CCT4: variants seen among roughly 807,000 people sequenced by gnomAD.
The protein encoded by CCT4 is chaperonin containing TCP1 subunit 4.
A neutral mutation model predicts 62.5 loss-of-function variants in CCT4; 17 were observed. That is an observed-to-expected ratio of 0.27 (90% confidence interval 0.19 to 0.41). CCT4 has a LOEUF of 0.41. Among genes scored for constraint, CCT4 ranks in the 10% least tolerant of loss-of-function variants. The probability of loss-of-function intolerance (pLI) is 1.00; values close to 1 mark genes in which losing one functional copy is unlikely to be tolerated. For missense variants in CCT4, 592 were observed against 659.2 expected, an observed-to-expected ratio of 0.90 and a Z score of 1.12; for synonymous variants, 250 against 229.9, an observed-to-expected ratio of 1.09 and a Z score of -0.79.
intron 4 of CCT4, 62 bp from the exon 5 acceptor site, chr2:61,879,073 T>G: frequency 7.7e-7 from 1 of 1,297,070 alleles, no homozygotes; most frequent in Non-Finnish European, 1.1e-6. Flanking sequence ...TTGACATGGC[T>G]TAAAAATTTT....
At chr2:61,873,343 G>C in intron 8 of CCT4, 50 bp from the exon 9 acceptor site, 1 of 967,544 alleles carries the variant, frequency 1.0e-6, no homozygotes, top group Non-Finnish European at 1.6e-6. Context: ...AAAAAATTTT[G>C]CTCTTCAAAT....
intron 4 of CCT4, among the ~76,000 whole-genome samples, chr2:61,879,855 G>T (rs6729761): frequency 0.4 from 59,985 of 151,222 alleles, 12,070 homozygotes; most frequent in Middle Eastern, 0.46. Flanking sequence ...TGATTCTCCT[G>T]CCTTAGCTGG....
At chr2:61,874,166 G>A (rs751304011) in intron 8 of CCT4, among the ~76,000 whole-genome samples, 16 of 152,124 alleles carry the variant, frequency 1.1e-4, no homozygotes, top group African/African-American at 2.7e-4. Context: ...CCTATTATAC[G>A]GATAAGCAAA....
chr2:61,885,164 A>T (rs1183532203), intron 1 of CCT4, 92 bp from the exon 2 acceptor site: 2 of 932,958 alleles, frequency 2.1e-6, no homozygotes, highest in Non-Finnish European at 1.5e-6. Context: ...ATGGCCTCAA[A>T]CTCCTGGGCT....
intron 10 of CCT4, 89 bp downstream of exon 10, chr2:61,872,909 AGAGT>A (rs1668914197): frequency 1.3e-6 from 1 of 783,950 alleles, no homozygotes; most frequent in African/African-American, 1.7e-5. Context: ...CCTGGGCGAC[AGAGT>A]GAGACTCCGT....
chr2:61,873,773 C>T (rs1668936485), intron 8 of CCT4, among the ~76,000 whole-genome samples: 1 of 152,106 alleles, frequency 6.6e-6, no homozygotes, highest in Non-Finnish European at 1.5e-5. Context: ...ACCATGTTGG[C>T]CACGCTGGTC....
At chr2:61,884,325 A>T (rs571919239) in intron 2 of CCT4, among the ~76,000 whole-genome samples, 2 of 152,104 alleles carry the variant, frequency 1.3e-5, no homozygotes, top group South Asian at 4.1e-4. Flanking sequence ...TTGGTTTGAG[A>T]TGGAGTCTCG....
rs1669319441 is a variant in CCT4 at position 61,888,567 on chromosome 2, G to A, written c.-60C>T. On this transcript the variant is annotated 5_prime_UTR_variant, in exon 1 of 14. Transcript: ENST00000394440. ...GGACGGATGGACCCGGATTCTGGCC[G>A]GCCGCAGTGTAATAACGGTAAGCCC... The A allele has an allele frequency of 6.3e-7, 1 of 1,576,308 alleles. No individual in the cohort carries two copies. Among genetic ancestry groups the A allele is most frequent in the Non-Finnish European group, 8.6e-7 (1 of 1,162,174 alleles).
At chr2:61,870,215 C>T (rs1364268818) in intron 12 of CCT4, among the ~76,000 whole-genome samples, 1 of 151,778 alleles carries the variant, frequency 6.6e-6, no homozygotes. Context: ...AGGCGGAGTG[C>T]AGTGAGCCAA....
chr2:61,879,255 ACT>A (rs1491461249), intron 4 of CCT4, among the ~76,000 whole-genome samples: 1 of 70,832 alleles, frequency 1.4e-5, no homozygotes, highest in Non-Finnish European at 2.7e-5. Flanking sequence ...CAAATTTTAT[ACT>A]TTTTTTTTTT....
rs1669013589 is a variant in CCT4 at position 61,876,975 on chromosome 2, A to G, written c.722T>C (p.Val241Ala). ...QKVSNSGITR[V>A]EKAKIGLIQF... is the part of the protein sequence containing the mutation. The stretch of plus-strand genomic sequence containing the variant: ...AATAAGCCCAATCTTGGCCTTTTCA[A>G]CTCTGGTTATGCCAGAATTTGACAC... The change falls in exon 7 of 14, where the codon GTT becomes GCT. Residue 241 changes from valine (V) to alanine (A), a missense_variant. Transcript: ENST00000394440. The G allele has an allele frequency of 1.2e-6, 2 of 1,613,952 alleles. No individual in the cohort carries two copies. The highest frequency in any genetic ancestry group is 1.7e-6 in the Non-Finnish European group (2 of 1,179,876).
In CCT4 at chr2:61,888,561, C is replaced by T. The variant is rs1359074476; in HGVS notation, c.-54G>A. ...CGGGAAGGACGGATGGACCCGGATT[C>T]TGGCCGGCCGCAGTGTAATAACGGT... On this transcript the variant is annotated 5_prime_UTR_variant, in exon 1 of 14. Coordinates refer to ENST00000394440, the MANE Select transcript of CCT4 (RefSeq NM_006430.4). 1 of 1,583,654 alleles carries T rather than the reference C, an allele frequency of 6.3e-7. No individual in the cohort carries two copies. Among genetic ancestry groups the T allele is most frequent in the African/African-American group, 1.3e-5 (1 of 74,324 alleles).
chr2:61,881,886 T>C (rs192821028), intron 3 of CCT4, among the ~76,000 whole-genome samples: 1 of 151,950 alleles, frequency 6.6e-6, no homozygotes, highest in Non-Finnish European at 1.5e-5. Flanking sequence ...AAAAAAATTT[T>C]TTAAAAGCCA....
chr2:61,877,861 G>A (rs542301694), intron 5 of CCT4, among the ~76,000 whole-genome samples: 57 of 152,286 alleles, frequency 3.7e-4, no homozygotes, highest in African/African-American at 1.3e-3. Flanking sequence ...TGTTATGTAT[G>A]TACATTCCTG....
Position 61,873,056 on chromosome 2 carries a change from A to G in CCT4, c.1071T>C (p.Gly357=). The G allele has an allele frequency of 6.2e-7, 1 of 1,613,640 alleles. No individual in the cohort carries two copies. Among genetic ancestry groups the G allele is most frequent in the Admixed American group, 1.7e-5 (1 of 60,030 alleles). The change falls in exon 10 of 14, where the codon GGT becomes GGC. Residue 357 remains glycine, a synonymous_variant. Coordinates refer to ENST00000394440, the MANE Select transcript of CCT4 (RefSeq NM_006430.4). Reference sequence around the variant, plus strand: ...TGACCTCCTCAGCTAACTCAGCAGAACCCAGCATGTCAGCAGTAAATTGGT... The same window carrying G: ...TGACCTCCTCAGCTAACTCAGCAGAGCCCAGCATGTCAGCAGTAAATTGGT... ...HIDQFTADML[G]SAELAEEVNL... is the part of the protein sequence containing the mutation.
At chr2:61,888,304 CCAAACCCGCT>C in intron 1 of CCT4, 67 bp downstream of exon 1, 1 of 1,531,430 alleles carries the variant, frequency 6.5e-7, no homozygotes, top group Non-Finnish European at 8.8e-7. Context: ...GGGAAATGAG[CCAAACCCGCT>C]CAAGCCCACG....
chr2:61,883,721 CA>C (rs912891261), intron 2 of CCT4, among the ~76,000 whole-genome samples, 173 bp from the exon 3 acceptor site: 3 of 148,276 alleles, frequency 2.0e-5, no homozygotes, highest in Non-Finnish European at 4.5e-5. Flanking sequence ...TCCAACTTTA[CA>C]AAAGAAAAAA....
intron 7 of CCT4, 107 bp downstream of exon 7, chr2:61,876,813 G>GAAA (rs1669010786): frequency 1.1e-6 from 1 of 933,874 alleles, no homozygotes; most frequent in South Asian, 1.8e-5. Context: ...TAAGTCTTTT[G>GAAA]AGATCTGCTT....
In CCT4 at chr2:61,884,252, T is replaced by C. The variant is rs76952272; in HGVS notation, c.181-704A>G. Among the ~76,000 whole-genome samples the C allele has an allele frequency of 5.2e-3, 790 of 152,342 alleles. 4 individuals carry two copies. The highest frequency in any genetic ancestry group is 7.9e-3 in the Non-Finnish European group (538 of 68,024). On this transcript the variant is annotated intron_variant, in intron 2 of 13. Coordinates refer to ENST00000394440, the MANE Select transcript of CCT4 (RefSeq NM_006430.4). ...AAATATGAATTATAGTTTAGTCCTG[T>C]TGACTCCAAAGTAACCTCTCCTTCC...
Sources: gnomAD v4.1 joint callset for allele counts (sites outside exome capture counted in the v4.1 genomes callset) on GRCh38, gnomAD v4.1.1 for gene constraint, MANE v1.5 for transcripts, NCBI Gene and HGNC (gene_info 2026-07-23, HGNC 2026-07-21) for gene names.